RNF125: variants seen among roughly 807,000 people sequenced by gnomAD.
The protein encoded by RNF125 is E3 ubiquitin-protein ligase RNF125.
Under a neutral mutation model 26.0 loss-of-function variants are expected in RNF125, and 21 were observed. The ratio of observed to expected loss-of-function variants is 0.81; its 90% CI spans 0.57 to 1.16. RNF125 has a LOEUF of 1.16. Ranked by LOEUF, RNF125 falls within the 50% of genes most tolerant of loss-of-function variation. RNF125 has a pLI of 0.00. For synonymous variants in RNF125, 95 were observed against 109.2 expected, an observed-to-expected ratio of 0.87 and a Z score of 0.81; for missense variants, 270 against 299.4, an observed-to-expected ratio of 0.90 and a Z score of 0.72.
chr18:32,055,371 C>T lies in RNF125; in HGVS notation c.504+9639C>T, dbSNP rs530159333. Among the ~76,000 whole-genome samples the T allele has an allele frequency of 4.6e-5, 7 of 152,014 alleles. No homozygotes were observed. The East Asian group carries it at 5.8e-4, about 13-fold the overall frequency. On this transcript the variant is annotated intron_variant, in intron 4 of 5. Coordinates refer to ENST00000217740, the MANE Select transcript of RNF125 (RefSeq NM_017831.4). The stretch of plus-strand genomic sequence containing the variant: ...TTTTCCTGTTCCAACATCTTGCTCC[C>T]GGTATTCATTCTCACACTGCTATAA...
In RNF125 at chr18:32,018,969, G is replaced by T; in HGVS notation, c.106G>T (p.Asp36Tyr). 1 of 1,613,776 alleles carries T rather than the reference G, an allele frequency of 6.2e-7. No individual in the cohort carries two copies. The highest frequency in any genetic ancestry group is 1.1e-5 in the South Asian group (1 of 91,054). ...CCCGGAGTTGCCCGTCACGTCCTTC[G>T]ACTGCGCCGTGTGCCTTGAGGTGTT... is the stretch of plus-strand genomic sequence containing the variant. ...RDPELPVTSF[D>Y]CAVCLEVLHQ... The change falls in exon 1 of 6, where the codon GAC (aspartate) becomes TAC (tyrosine). Residue 36 changes from aspartate to tyrosine, a missense_variant. Coordinates refer to ENST00000217740, the MANE Select transcript of RNF125 (RefSeq NM_017831.4).
chr18:32,029,477 AAAG>A (rs1399512037), intron 1 of RNF125, among the ~76,000 whole-genome samples: 2 of 151,476 alleles, frequency 1.3e-5, no homozygotes, highest in African/African-American at 4.9e-5. Context: ...AAAAAAAAAA[AAAG>A]CTGGGCATGG....
intron 2 of RNF125, among the ~76,000 whole-genome samples, chr18:32,038,071 C>CA (rs1276126381): frequency 3.5e-5 from 4 of 115,872 alleles, no homozygotes; most frequent in African/African-American, 1.4e-4. Context: ...TTTTTTGAGA[C>CA]AGAGTCTTGC....
intron 4 of RNF125, among the ~76,000 whole-genome samples, chr18:32,050,608 A>G (rs1428352666): frequency 6.6e-6 from 1 of 151,934 alleles, no homozygotes; most frequent in African/African-American, 2.4e-5. Context: ...GAAAGCATTG[A>G]GTTTACAGGC....
At chr18:32,053,662 C>T (rs1161832053) in intron 4 of RNF125, among the ~76,000 whole-genome samples, 1 of 151,646 alleles carries the variant, frequency 6.6e-6, no homozygotes, top group African/African-American at 2.4e-5. Flanking sequence ...TTGGCGTGTG[C>T]CTCTAGGAGG....
rs778793682 is a variant in RNF125, at chr18:32,020,381, CGT to C, written c.164+1365_164+1366del. 3.2e-4 allele frequency among the ~76,000 whole-genome samples: 47 copies of C among 148,664 alleles called. No homozygotes were observed. In the South Asian group the frequency reaches 5.0e-3, roughly 16 times the overall value. ...TTGCTTTGATTTTTTTTCGTGGATA[CGT>C]GTGTGTGTGTTGTGTCTGCACAGAT... is the stretch of plus-strand genomic sequence containing the variant. On this transcript the variant is annotated intron_variant, in intron 1 of 5. Transcript: ENST00000217740.
At chr18:32,036,168 AAAG>A (rs2039151917) in intron 1 of RNF125, among the ~76,000 whole-genome samples, 1 of 151,820 alleles carries the variant, frequency 6.6e-6, no homozygotes, top group African/African-American at 2.4e-5. Flanking sequence ...AAAAAAAAAA[AAAG>A]AGAAGGAAAC....
intron 1 of RNF125, among the ~76,000 whole-genome samples, chr18:32,030,181 C>T (rs1425756536): frequency 1.3e-5 from 2 of 152,096 alleles, no homozygotes; most frequent in African/African-American, 2.4e-5. Context: ...GTAGCTGGGA[C>T]TACTGGCGCA....
At chr18:32,088,528 A>T in the RNF125 span, among the ~76,000 whole-genome samples, 1 of 152,156 alleles carries the variant, frequency 6.6e-6, no homozygotes, top group Admixed American at 6.5e-5. Flanking sequence ...TTTGAGACAG[A>T]GTCCCGCTCT....
chr18:32,063,410 T>A (rs1321787952), intron 4 of RNF125, among the ~76,000 whole-genome samples: 2 of 152,052 alleles, frequency 1.3e-5, no homozygotes, highest in African/African-American at 4.8e-5. Context: ...AATAAAAAAA[T>A]TTGGACAATA....
chr18:32,083,129 A>G, the RNF125 span, among the ~76,000 whole-genome samples: 95 of 152,184 alleles, frequency 6.2e-4, no homozygotes, highest in African/African-American at 2.2e-3. Flanking sequence ...CCCTTTTTCC[A>G]TGTTCTAAAT....
chr18:32,086,421 G>A, the RNF125 span, among the ~76,000 whole-genome samples: 31 of 149,208 alleles, frequency 2.1e-4, no homozygotes, highest in African/African-American at 7.7e-4. Flanking sequence ...GAGTGATCAT[G>A]GCTCACTGCA....
intron 1 of RNF125, among the ~76,000 whole-genome samples, chr18:32,026,390 G>A (rs1622723): frequency 4.0e-5 from 6 of 151,624 alleles, no homozygotes; most frequent in South Asian, 2.1e-4. Flanking sequence ...CTGGGACTAC[G>A]AGGGTGTGCC....
Position 32,069,002 on chromosome 18 carries a change from T to G in RNF125, c.*618T>G, listed in dbSNP as rs2039509868. ...CAAGGTCAGGAGTTCGAGACCAGCC[T>G]GGCCAACACTGGTCTCTGTGAAACT... On this transcript the variant is annotated 3_prime_UTR_variant, in exon 6 of 6. Transcript: ENST00000217740. The G allele has an allele frequency of 6.6e-6, 1 of 152,114 alleles. No homozygotes were observed. Among genetic ancestry groups the G allele is most frequent in the African/African-American group, 2.4e-5 (1 of 41,406 alleles). 9.4% of individuals were successfully genotyped at this position (152,114 alleles called of 1,614,324 possible).
rs776932441 is a variant in RNF125, at chr18:32,018,944, C to A, written c.81C>A (p.Asp27Glu). The change falls in exon 1 of 6, where the codon GAC becomes GAA. Residue 27 changes from aspartate (D) to glutamate (E), a missense_variant. Transcript: ENST00000217740. ...ATARALERRR[D>E]PELPVTSFDC... ...CGCGGGCCCTGGAGCGCAGGAGGGA[C>A]CCGGAGTTGCCCGTCACGTCCTTCG... 6.1e-5 allele frequency: 98 copies of A among 1,613,430 alleles called. No homozygotes were observed. The highest frequency in any genetic ancestry group is 7.6e-5 in the Non-Finnish European group (90 of 1,179,824).
intron 1 of RNF125, among the ~76,000 whole-genome samples, chr18:32,033,854 G>T (rs2039124455): frequency 6.6e-6 from 1 of 151,784 alleles, no homozygotes; most frequent in South Asian, 2.1e-4. Flanking sequence ...AAGTAGAAGG[G>T]AAAGGTGTTT....
At chr18:32,060,446 T>A (rs1478147636) in intron 4 of RNF125, among the ~76,000 whole-genome samples, 2 of 152,214 alleles carry the variant, frequency 1.3e-5, no homozygotes, top group African/African-American at 2.4e-5. Flanking sequence ...GGTAGTAGCT[T>A]CTAATATGGT....
At chr18:32,084,906 A>T in the RNF125 span, among the ~76,000 whole-genome samples, 1 of 152,256 alleles carries the variant, frequency 6.6e-6, no homozygotes, top group African/African-American at 2.4e-5. Flanking sequence ...GTTGAAATGT[A>T]ACTGTCTCAA....
chr18:32,046,575 C>T (rs1342831865), intron 4 of RNF125, among the ~76,000 whole-genome samples: 1 of 128,648 alleles, frequency 7.8e-6, no homozygotes, highest in African/African-American at 2.9e-5. Flanking sequence ...CCAGCCTGAG[C>T]GACAGAGCGA....
Sources: gnomAD v4.1 joint callset for allele counts (sites outside exome capture counted in the v4.1 genomes callset) on GRCh38, gnomAD v4.1.1 for gene constraint, MANE v1.5 for transcripts, NCBI Gene and HGNC (gene_info 2026-07-23, HGNC 2026-07-21) for gene names.